PTPN13: variants seen among roughly 807,000 people sequenced by gnomAD.
PTPN13 encodes the protein tyrosine-protein phosphatase non-receptor type 13.
Under a neutral mutation model 284.0 loss-of-function variants are expected in PTPN13, and 191 were observed. The ratio of observed to expected loss-of-function variants is 0.67; its 90% CI spans 0.60 to 0.76. The LOEUF (loss-of-function observed/expected upper bound fraction) is 0.76. Among genes scored for constraint, PTPN13 ranks in the 30% least tolerant of loss-of-function variants. PTPN13 has a pLI of 0.00. For synonymous variants in PTPN13, 986 were observed against 1,022.3 expected (o/e 0.96, Z 0.68); for missense variants, 2,797 against 2,939.9 (o/e 0.95, Z 1.12).
At chr4:86,762,046 C>T (rs1393812145) in intron 23 of PTPN13, among the ~76,000 whole-genome samples, 1 of 152,240 alleles carries the variant, frequency 6.6e-6, no homozygotes, top group Non-Finnish European at 1.5e-5. Flanking sequence ...AATCACTGCT[C>T]ACTGCAGGCT....
At chr4:86,757,303 A>T (rs1333066014) in intron 20 of PTPN13, among the ~76,000 whole-genome samples, 1 of 152,170 alleles carries the variant, frequency 6.6e-6, no homozygotes, top group Non-Finnish European at 1.5e-5. Flanking sequence ...ATGGGCACTG[A>T]TACTAGTTAT....
intron 40 of PTPN13, among the ~76,000 whole-genome samples, chr4:86,786,293 C>T (rs1741907351): frequency 6.6e-6 from 1 of 152,162 alleles, no homozygotes; most frequent in Admixed American, 6.5e-5. Flanking sequence ...TCTTCAAGCT[C>T]AGCATCACCC....
rs1224746740 is a variant in PTPN13, at chr4:86,677,270, A to C, written c.294+4727A>C. On this transcript the variant is annotated intron_variant, in intron 3 of 47. Coordinates refer to ENST00000411767, the MANE Select transcript of PTPN13 (RefSeq NM_080683.3). ...CAACAGAGCAAGACTCTGTCTCAAA[A>C]AACAACAACAACAAAATATATACTT... Among the ~76,000 whole-genome samples, 12 of 151,894 alleles carry C rather than the reference A, an allele frequency of 7.9e-5. No individual in the cohort carries two copies. In the East Asian group the frequency reaches 1.8e-3, roughly 22 times the overall value.
chr4:86,689,768 G>A (rs1393513080), intron 5 of PTPN13: 1 of 701,956 alleles, frequency 1.4e-6, no homozygotes, highest in Non-Finnish European at 2.6e-6. Context: ...AGAATCCCAA[G>A]AATAACCAAT....
chr4:86,797,521 A>T (rs1743486602), intron 41 of PTPN13, among the ~76,000 whole-genome samples: 1 of 152,038 alleles, frequency 6.6e-6, no homozygotes, highest in Non-Finnish European at 1.5e-5. Flanking sequence ...AAAAGTTTTA[A>T]ATTTTTTGTT....
intron 15 of PTPN13, 119 bp downstream of exon 15, chr4:86,735,865 C>G: frequency 2.4e-6 from 2 of 846,114 alleles, no homozygotes; most frequent in Non-Finnish European, 3.5e-6. Flanking sequence ...ATAATCTCAT[C>G]TCATTGCTGG....
At chr4:86,777,021 C>T (rs1012033315) in intron 35 of PTPN13, among the ~76,000 whole-genome samples, 13 of 152,238 alleles carry the variant, frequency 8.5e-5, no homozygotes, top group African/African-American at 2.7e-4. Context: ...CGCATCTACT[C>T]AACCTTATAA....
At chr4:86,612,124 C>T (rs1719967783) in intron 1 of PTPN13, among the ~76,000 whole-genome samples, 1 of 152,142 alleles carries the variant, frequency 6.6e-6, no homozygotes, top group African/African-American at 2.4e-5. Context: ...AAAGATCAAA[C>T]TTTGAAGTTT....
chr4:86,656,262 C>T (rs1725792938), intron 2 of PTPN13, among the ~76,000 whole-genome samples: 1 of 152,224 alleles, frequency 6.6e-6, no homozygotes, highest in African/African-American at 2.4e-5. Flanking sequence ...ATTCTCCATC[C>T]AGCTTTGTTG....
intron 31 of PTPN13, among the ~76,000 whole-genome samples, 154 bp downstream of exon 31, chr4:86,771,689 G>T (rs751243374): frequency 2.6e-5 from 4 of 152,214 alleles, no homozygotes; most frequent in African/African-American, 9.7e-5. Flanking sequence ...TAGCTATTGT[G>T]ACTGATAGTT....
chr4:86,598,178 G>A (rs993402392), intron 1 of PTPN13, among the ~76,000 whole-genome samples: 7 of 148,646 alleles, frequency 4.7e-5, no homozygotes, highest in African/African-American at 1.7e-4. Flanking sequence ...ATGGAATCTC[G>A]CCCAGGCTGG....
At chr4:86,683,167 G>A (rs951420240) in intron 3 of PTPN13, among the ~76,000 whole-genome samples, 4 of 152,076 alleles carry the variant, frequency 2.6e-5, no homozygotes, top group African/African-American at 9.7e-5. Context: ...GTGTGTGTGT[G>A]TGTGTATTTG....
chr4:86,644,306 T>G (rs893209902), intron 2 of PTPN13, among the ~76,000 whole-genome samples: 1 of 152,006 alleles, frequency 6.6e-6, no homozygotes, highest in South Asian at 2.1e-4. Context: ...CAAATTTTTT[T>G]TGTGTGTATT....
At chr4:86,685,839 T>G (rs1404944280) in intron 3 of PTPN13, among the ~76,000 whole-genome samples, 1 of 152,220 alleles carries the variant, frequency 6.6e-6, no homozygotes, top group Non-Finnish European at 1.5e-5. Context: ...CTGCAGATGA[T>G]TTACTTTCTC....
chr4:86,750,629 G>A lies in PTPN13; in HGVS notation c.2810G>A (p.Cys937Tyr), dbSNP rs1315521592. The A allele has an allele frequency of 6.2e-7, 1 of 1,613,916 alleles. No individual in the cohort carries two copies. Among genetic ancestry groups the A allele is most frequent in the Middle Eastern group, 1.6e-4 (1 of 6,062 alleles). ...GCTGAGATTCTGAAGAGGCTATCCT[G>A]CTCAGAGCTGTCGCTTTACCAGCCA... ...VQAEILKRLS[C>Y]SELSLYQPLQ... is the part of the protein sequence containing the mutation. The change falls in exon 18 of 48, where the codon TGC becomes TAC. Residue 937 changes from cysteine (C) to tyrosine (Y), a missense_variant. By Grantham distance (194) the Cys-to-Tyr change is radical. Transcript: ENST00000411767.
In PTPN13 at chr4:86,637,243, C is replaced by A. The variant is rs1206473109; in HGVS notation, c.115+1872C>A. ...AGATGGATTCACAGCCGAATTCTACCAGAGGTACAAGGAGGAACTGGTACC... is the reference window on the plus strand; with the variant it reads ...AGATGGATTCACAGCCGAATTCTACAAGAGGTACAAGGAGGAACTGGTACC... On this transcript the variant is annotated intron_variant, in intron 2 of 47. Coordinates refer to ENST00000411767, the MANE Select transcript of PTPN13 (RefSeq NM_080683.3). Among the ~76,000 whole-genome samples the A allele has an allele frequency of 3.4e-3, 511 of 151,816 alleles. 1 individual carries two copies. The highest frequency in any genetic ancestry group is 0.012 in the African/African-American group (491 of 41,484).
chr4:86,623,092 C>G (rs1198657169), intron 1 of PTPN13, among the ~76,000 whole-genome samples: 1 of 152,072 alleles, frequency 6.6e-6, no homozygotes, highest in Non-Finnish European at 1.5e-5. Context: ...TTTGGGAGCT[C>G]AATGTCTCAA....
At chr4:86,748,718 C>T (rs1327263474) in intron 17 of PTPN13, among the ~76,000 whole-genome samples, 4 of 151,976 alleles carry the variant, frequency 2.6e-5, no homozygotes, top group Non-Finnish European at 4.4e-5. Flanking sequence ...TGCAGTGGCG[C>T]GATCTCAGCT....
rs557910434 is a variant in PTPN13, at chr4:86,757,776, A to G, written c.3224-484A>G. ...AGACTCTGTCTCAAAAAAAAAAAAA[A>G]AATCCAGTTTCCTCTTGCTATTTTA... is the stretch of plus-strand genomic sequence containing the variant. On this transcript the variant is annotated intron_variant, in intron 20 of 47. Transcript: ENST00000411767. 7.2e-5 allele frequency among the ~76,000 whole-genome samples: 11 copies of G among 152,056 alleles called. No homozygotes were observed. The East Asian group carries it at 2.1e-3, about 29-fold the overall frequency.
Sources: allele counts gnomAD v4.1 joint callset (sites outside exome capture counted in the v4.1 genomes callset), GRCh38; gene constraint gnomAD v4.1.1; transcripts MANE v1.5; gene names NCBI Gene and HGNC (gene_info 2026-07-23, HGNC 2026-07-21).